Variants in SLC2A13 observed in about 807,000 individuals in gnomAD.
SLC2A13 encodes the protein solute carrier family 2 member 13, also known as proton myo-inositol cotransporter.
Under a neutral mutation model 64.4 loss-of-function variants are expected in SLC2A13, and 32 were observed. That is an observed-to-expected ratio of 0.50 (90% CI 0.37 to 0.67). SLC2A13 has a LOEUF of 0.67. Ranked by LOEUF, SLC2A13 falls within the 30% of genes least tolerant of loss-of-function variation. The pLI is 0.00. For missense variants in SLC2A13, 743 were observed against 829.2 expected, an observed-to-expected ratio of 0.90 and a Z score of 1.28; for synonymous variants, 338 against 327.1, an observed-to-expected ratio of 1.03 and a Z score of -0.36.
At chr12:40,013,791 T>TC (rs1947572950) in intron 3 of SLC2A13, among the ~76,000 whole-genome samples, 1 of 152,212 alleles carries the variant, frequency 6.6e-6, no homozygotes, top group Admixed American at 6.5e-5. Context: ...ATTTCCCTCA[T>TC]CCCATTCACT....
At chr12:39,843,069 T>C (rs1943217673) in intron 6 of SLC2A13, among the ~76,000 whole-genome samples, 1 of 152,068 alleles carries the variant, frequency 6.6e-6, no homozygotes. Context: ...AAAAAACTGT[T>C]GCTATGAACA....
intron 4 of SLC2A13, among the ~76,000 whole-genome samples, chr12:39,877,424 AT>A (rs1173559349): frequency 6.6e-6 from 1 of 152,214 alleles, no homozygotes; most frequent in East Asian, 1.9e-4. Context: ...ATTACCTCCC[AT>A]TGAGTCCTTC....
intron 1 of SLC2A13, among the ~76,000 whole-genome samples, chr12:40,053,098 T>C (rs944083435): frequency 5.9e-5 from 9 of 151,874 alleles, no homozygotes; most frequent in Non-Finnish European, 1.3e-4. Flanking sequence ...CTGGCCAACA[T>C]AGTGAAACCC....
chr12:39,855,164 G>A (rs182763404), intron 6 of SLC2A13, among the ~76,000 whole-genome samples: 13 of 152,076 alleles, frequency 8.5e-5, no homozygotes, highest in East Asian at 7.7e-4. Context: ...TTAGACTTGC[G>A]GCTATATTTG....
At position 40,102,805 on chromosome 12, in the gene SLC2A13, T is replaced by TA. The variant is rs574622130; in HGVS notation, c.556+2447dup. Reference sequence around the variant, plus strand: ...GTTAGGAACCCATTTCCTTGTAGCTTAAAAAAAAGTGATTTTCTTTGTAAG... The same window carrying TA: ...GTTAGGAACCCATTTCCTTGTAGCTTAAAAAAAAAGTGATTTTCTTTGTAAG... On this transcript the variant is annotated intron_variant, in intron 1 of 9. Coordinates refer to ENST00000280871, the MANE Select transcript of SLC2A13 (RefSeq NM_052885.4). 6.0e-4 allele frequency among the ~76,000 whole-genome samples: 91 copies of TA among 152,166 alleles called. 2 individuals are homozygous for TA. The South Asian group carries it at 0.017, about 29-fold the overall frequency.
At chr12:39,931,793 A>G (rs563427126) in intron 4 of SLC2A13, among the ~76,000 whole-genome samples, 2 of 152,318 alleles carry the variant, frequency 1.3e-5, no homozygotes, top group South Asian at 4.1e-4. Flanking sequence ...ACCCTCCCAC[A>G]AAACAAATGG....
Position 39,759,845 on chromosome 12 carries a change from C to T in SLC2A13, c.*181G>A, listed in dbSNP as rs2135705638. On this transcript the variant is annotated 3_prime_UTR_variant, in exon 10 of 10. Transcript: ENST00000280871. ...GTAAATATTTTTTAAAATATTGTTC[C>T]TTGTGGAAAAAAAAAGTCATCATGG... 1 of 556,646 alleles carries T rather than the reference C, an allele frequency of 1.8e-6. No homozygotes were observed. Among genetic ancestry groups the T allele is most frequent in the East Asian group, 2.9e-5 (1 of 34,402 alleles). The allele number at this position is 556,646 out of a possible 1,614,324, so 34.5% of individuals were successfully genotyped here.
chr12:40,030,212 C>A (rs1174640732), intron 2 of SLC2A13, among the ~76,000 whole-genome samples: 1 of 152,130 alleles, frequency 6.6e-6, no homozygotes, highest in Non-Finnish European at 1.5e-5. Context: ...TCCAACCAAA[C>A]CATTCATTAT....
At chr12:40,017,478 A>C in intron 3 of SLC2A13, among the ~76,000 whole-genome samples, 1 of 152,198 alleles carries the variant, frequency 6.6e-6, no homozygotes, top group African/African-American at 2.4e-5. Flanking sequence ...TCTCTATTGC[A>C]AGAGCCTGAA....
intron 3 of SLC2A13, among the ~76,000 whole-genome samples, chr12:39,995,716 G>T (rs964365505): frequency 3.3e-5 from 5 of 152,194 alleles, no homozygotes; most frequent in Admixed American, 2.6e-4. Flanking sequence ...CCCATGTGTT[G>T]TGGGAGGGAC....
intron 4 of SLC2A13, among the ~76,000 whole-genome samples, chr12:39,922,055 T>C (rs1477122617): frequency 6.6e-6 from 1 of 152,160 alleles, no homozygotes; most frequent in East Asian, 1.9e-4. Flanking sequence ...TTCAAATTTA[T>C]GCGATTTATA....
At chr12:39,999,632 C>T (rs551979631) in intron 3 of SLC2A13, among the ~76,000 whole-genome samples, 5 of 152,312 alleles carry the variant, frequency 3.3e-5, no homozygotes, top group East Asian at 1.9e-4. Flanking sequence ...CAAGACAATA[C>T]GTGCACCGCT....
chr12:39,973,217 T>A (rs28370723), intron 3 of SLC2A13, among the ~76,000 whole-genome samples: 27,636 of 152,186 alleles, frequency 0.18, 2,962 homozygotes, highest in African/African-American at 0.3. Context: ...ACTAAGCAGA[T>A]TCAATGATCA....
intron 1 of SLC2A13, among the ~76,000 whole-genome samples, chr12:40,078,564 T>A (rs1938270718): frequency 1.3e-5 from 2 of 152,248 alleles, no homozygotes; most frequent in Admixed American, 6.5e-5. Context: ...GATTTTTGTG[T>A]CTGTGTTCAT....
intron 6 of SLC2A13, among the ~76,000 whole-genome samples, chr12:39,864,075 C>T (rs1943840439): frequency 6.6e-6 from 1 of 152,244 alleles, no homozygotes; most frequent in Admixed American, 6.5e-5. Flanking sequence ...TGAAGCTCTG[C>T]TGCCAAATAT....
At chr12:40,019,055 C>T (rs1197012044) in intron 3 of SLC2A13, among the ~76,000 whole-genome samples, 1 of 151,936 alleles carries the variant, frequency 6.6e-6, no homozygotes, top group Non-Finnish European at 1.5e-5. Flanking sequence ...TTTTGGAGGC[C>T]ATGGGGAAAG....
At chr12:40,065,926 G>A (rs1469007571) in intron 1 of SLC2A13, among the ~76,000 whole-genome samples, 1 of 152,142 alleles carries the variant, frequency 6.6e-6, no homozygotes, top group Non-Finnish European at 1.5e-5. Flanking sequence ...AAACATCCAA[G>A]GTCACACAGC....
chr12:40,088,970 A>G (rs1172347337), intron 1 of SLC2A13, among the ~76,000 whole-genome samples: 1 of 152,204 alleles, frequency 6.6e-6, no homozygotes, highest in Admixed American at 6.5e-5. Context: ...ATTATAACTA[A>G]AGAAATAATT....
At chr12:39,799,696 AG>A (rs1372790624) in intron 7 of SLC2A13, among the ~76,000 whole-genome samples, 5 of 152,240 alleles carry the variant, frequency 3.3e-5, no homozygotes, top group Admixed American at 3.3e-4. Context: ...TAGAGAATGC[AG>A]GTCAGTGAAA....
Sources: gnomAD v4.1 joint callset for allele counts (sites outside exome capture counted in the v4.1 genomes callset) on GRCh38, gnomAD v4.1.1 for gene constraint, MANE v1.5 for transcripts, NCBI Gene and HGNC (gene_info 2026-07-23, HGNC 2026-07-21) for gene names.